Variants in AGMO observed in about 807,000 individuals in gnomAD.
AGMO encodes glyceryl-ether monooxygenase.
AGMO carries 75 observed loss-of-function variants against 60.2 expected under a neutral mutation model. That is an observed-to-expected ratio of 1.25 (90% CI 1.03 to 1.51). The LOEUF is 1.51. AGMO is among the 40% of genes most tolerant of loss of function. AGMO has a pLI of 0.00. For synonymous variants in AGMO, 261 were observed against 177.1 expected (o/e 1.47, Z -3.76); for missense variants, 763 against 525.5 (o/e 1.45, Z -4.42).
At position 15,544,966 on chromosome 7, in the gene AGMO, GA is replaced by G. The variant is rs141141726; in HGVS notation, c.258-44del. On this transcript the variant is annotated intron_variant, in intron 2 of 12. Coordinates refer to ENST00000342526, the MANE Select transcript of AGMO (RefSeq NM_001004320.2). ...CAATCAGTGATTATATAACATTTTA[GA>G]AAAAAAATTACGCTAAAATGTTTTA... The G allele has an allele frequency of 3.2e-3, 4,263 of 1,351,270 alleles. 105 individuals are homozygous for G. In the African/African-American group the frequency reaches 0.051, roughly 16 times the overall value. The allele number at this position is 1,351,270 out of a possible 1,614,324, so 83.7% of individuals were successfully genotyped here. A position where few individuals can be genotyped will look rare whatever the true frequency, so the allele number is the denominator to read the frequency against.
intron 3 of AGMO, among the ~76,000 whole-genome samples, chr7:15,460,106 C>CT (rs67388173): frequency 0.69 from 83,072 of 120,024 alleles, 29,607 homozygotes; most frequent in Non-Finnish European, 0.77. Flanking sequence ...CCAATTTCCC[C>CT]TTTTTTTTTT....
chr7:15,334,311 GTTTTT>G (rs5882496), intron 12 of AGMO, among the ~76,000 whole-genome samples: 9 of 146,072 alleles, frequency 6.2e-5, no homozygotes, highest in Admixed American at 5.5e-4. Context: ...ACCTTGGTGA[GTTTTT>G]TTTTTTTTTA....
chr7:15,321,589 T>C (rs945714313), intron 12 of AGMO, among the ~76,000 whole-genome samples: 5 of 152,122 alleles, frequency 3.3e-5, no homozygotes, highest in Non-Finnish European at 7.4e-5. Flanking sequence ...CATTTGTAGA[T>C]AAGACAATTT....
intron 12 of AGMO, among the ~76,000 whole-genome samples, chr7:15,279,796 A>G (rs1320599080): frequency 6.6e-6 from 1 of 152,152 alleles, no homozygotes; most frequent in African/African-American, 2.4e-5. Flanking sequence ...GGAACCTGTC[A>G]ATCCAGGCCA....
In AGMO at chr7:15,274,586, T is replaced by C. The variant is rs538972180; in HGVS notation, c.1264-73227A>G. Among the ~76,000 whole-genome samples, 13 of 152,244 alleles carry C rather than the reference T, an allele frequency of 8.5e-5. 1 individual carries two copies. The South Asian group carries it at 2.5e-3, about 29-fold the overall frequency. On this transcript the variant is annotated intron_variant, in intron 12 of 12. Coordinates refer to ENST00000342526, the MANE Select transcript of AGMO (RefSeq NM_001004320.2). ...TTTGAGTATCAGGATCATACTGCTT[T>C]TATAAAATCAGTCAAGAAAGAATCT...
At chr7:15,354,330 G>A (rs1282077069) in intron 12 of AGMO, among the ~76,000 whole-genome samples, 994 of 68,016 alleles carry the variant, frequency 0.015, 162 homozygotes, top group East Asian at 0.13. Context: ...ATATACGTAC[G>A]CGTGTATATA....
At chr7:15,248,669 A>T (rs1486207322) in intron 12 of AGMO, among the ~76,000 whole-genome samples, 1 of 152,176 alleles carries the variant, frequency 6.6e-6, no homozygotes, top group African/African-American at 2.4e-5. Context: ...CACACAAGAC[A>T]CATATTGTCC....
At chr7:15,505,357 A>G (rs1166901708) in intron 3 of AGMO, among the ~76,000 whole-genome samples, 1 of 151,936 alleles carries the variant, frequency 6.6e-6, no homozygotes, top group East Asian at 1.9e-4. Context: ...GTATTCATGT[A>G]AGAGAATCCA....
At chr7:15,344,623 G>A (rs971919096) in intron 12 of AGMO, among the ~76,000 whole-genome samples, 1 of 152,094 alleles carries the variant, frequency 6.6e-6, no homozygotes, top group Non-Finnish European at 1.5e-5. Context: ...GCTGGAGCTT[G>A]GGAAGTTGAG....
rs552428103 is a variant in AGMO at position 15,266,520 on chromosome 7, T to C, written c.1264-65161A>G. Among the ~76,000 whole-genome samples, 44 of 152,146 alleles carry C rather than the reference T, an allele frequency of 2.9e-4. No individual in the cohort carries two copies. The South Asian group carries it at 9.1e-3, about 32-fold the overall frequency. On this transcript the variant is annotated intron_variant, in intron 12 of 12. Coordinates refer to ENST00000342526, the MANE Select transcript of AGMO (RefSeq NM_001004320.2). The stretch of plus-strand genomic sequence containing the variant: ...TTCCCCCTGGACAATGCTTCATTTC[T>C]CTACCCATATGTCTTATTGCTGCTT...
chr7:15,320,553 T>A (rs1300098050), intron 12 of AGMO, among the ~76,000 whole-genome samples: 1 of 152,126 alleles, frequency 6.6e-6, no homozygotes, highest in Non-Finnish European at 1.5e-5. Flanking sequence ...TCACATGGCA[T>A]CTTCATAATT....
intron 3 of AGMO, among the ~76,000 whole-genome samples, chr7:15,489,516 C>G (rs1009351585): frequency 6.6e-6 from 1 of 152,142 alleles, no homozygotes; most frequent in African/African-American, 2.4e-5. Flanking sequence ...GGCCAGGAAC[C>G]TTCAGCCAGG....
chr7:15,184,366 GGGAA>G, the AGMO span, among the ~76,000 whole-genome samples: 10 of 3,948 alleles, frequency 2.5e-3, no homozygotes, highest in Admixed American at 5.4e-3. Flanking sequence ...AGGGAAGGAA[GGGAA>G]GGAAGGAAGG....
intron 12 of AGMO, among the ~76,000 whole-genome samples, chr7:15,316,373 G>C (rs1780925451): frequency 6.6e-6 from 1 of 152,116 alleles, no homozygotes; most frequent in African/African-American, 2.4e-5. Context: ...CACACTCCCT[G>C]CCAGTGGCGT....
intron 4 of AGMO, among the ~76,000 whole-genome samples, chr7:15,420,422 A>G (rs1249599249): frequency 1.3e-5 from 2 of 152,142 alleles, no homozygotes; most frequent in African/African-American, 4.8e-5. Flanking sequence ...GAACTGACCA[A>G]TGGAAAAATA....
intron 10 of AGMO, among the ~76,000 whole-genome samples, chr7:15,384,637 G>A (rs983422514): frequency 6.6e-6 from 1 of 151,966 alleles, no homozygotes; most frequent in African/African-American, 2.4e-5. Context: ...TTTTCATGGG[G>A]TGCTTACTTT....
At chr7:15,180,152 C>G in the AGMO span, among the ~76,000 whole-genome samples, 1 of 152,150 alleles carries the variant, frequency 6.6e-6, no homozygotes, top group East Asian at 1.9e-4. Context: ...CAAAAGGCTG[C>G]TTTGCTACAC....
chr7:15,265,903 G>C (rs1783418618), intron 12 of AGMO, among the ~76,000 whole-genome samples: 1 of 152,098 alleles, frequency 6.6e-6, no homozygotes, highest in African/African-American at 2.4e-5. Flanking sequence ...CAGATGAAGA[G>C]ATAAGCGAAA....
chr7:15,306,631 T>C, intron 12 of AGMO: 1 of 416,292 alleles, frequency 2.4e-6, no homozygotes, highest in South Asian at 1.8e-5. Context: ...AAAGTTAATA[T>C]GGTTTATGGC....
Sources: allele counts gnomAD v4.1 joint callset (sites outside exome capture counted in the v4.1 genomes callset), GRCh38; gene constraint gnomAD v4.1.1; transcripts MANE v1.5; gene names NCBI Gene and HGNC (gene_info 2026-07-23, HGNC 2026-07-21).